The following PAX2 variants were observed in gnomAD, a reference collection of about 807,000 sequenced individuals.
PAX2 encodes paired box protein Pax-2.
In PAX2, 9 loss-of-function variants were observed where a neutral mutation model predicts 41.7. The ratio of observed to expected loss-of-function variants is 0.22; its 90% CI spans 0.13 to 0.38. PAX2 has a LOEUF of 0.38. Among genes scored for constraint, PAX2 ranks in the 10% least tolerant of loss-of-function variants. The pLI is 1.00. For synonymous variants in PAX2, 221 were observed against 212.7 expected (o/e 1.04, Z -0.34); for missense variants, 418 against 531.6 (o/e 0.79, Z 2.10).
In PAX2 at chr10:100,745,683, G is replaced by C. The variant is rs1238763118; in HGVS notation, c.-578G>C. 7.5e-6 allele frequency: 7 copies of C among 931,388 alleles called. No individual in the cohort carries two copies. The highest frequency in any genetic ancestry group is 6.6e-5 in the East Asian group (1 of 15,072). The allele number at this position is 931,388 out of a possible 1,614,324, so 57.7% of individuals were successfully genotyped here. A position where few individuals can be genotyped will look rare whatever the true frequency, so the allele number is the denominator to read the frequency against. ...CCCTCCCTCCCGGCCCTTCGGCCGC[G>C]GCGGCGTGCGCCTGCCTTTTCCGGG... is the stretch of plus-strand genomic sequence containing the variant. On this transcript the variant is annotated 5_prime_UTR_variant, in exon 1 of 10. Coordinates refer to ENST00000355243, the MANE Select transcript of PAX2 (RefSeq NM_000278.5).
intron 5 of PAX2, among the ~76,000 whole-genome samples, chr10:100,798,716 T>C (rs1847426378): frequency 6.6e-6 from 1 of 151,940 alleles, no homozygotes; most frequent in South Asian, 2.1e-4. Flanking sequence ...TTTTCTATCC[T>C]CCTCCACTCT....
intron 3 of PAX2, among the ~76,000 whole-genome samples, chr10:100,774,335 C>A (rs1846311669): frequency 6.6e-6 from 1 of 152,188 alleles, no homozygotes; most frequent in African/African-American, 2.4e-5. Flanking sequence ...ATCCTTTGCT[C>A]TGAAGTCCTG....
intron 3 of PAX2, among the ~76,000 whole-genome samples, chr10:100,777,579 G>A (rs1226090840): frequency 6.6e-6 from 1 of 151,934 alleles, no homozygotes; most frequent in African/African-American, 2.4e-5. Flanking sequence ...ACTTTTAGTA[G>A]AGTCGAGATT....
intron 5 of PAX2, among the ~76,000 whole-genome samples, chr10:100,792,244 CTCT>C (rs1847148413): frequency 6.6e-6 from 1 of 152,246 alleles, no homozygotes; most frequent in Non-Finnish European, 1.5e-5. Context: ...TTCTTCTGGA[CTCT>C]TCTTCACGTG....
chr10:100,779,486 A>G lies in PAX2; in HGVS notation c.411-12A>G, dbSNP rs1217309444. ...GCATTTGATGTGTGATGCTGTTGTG[A>G]CGCTGTTGCAGAATCATCCGGACCA... is the stretch of plus-strand genomic sequence containing the variant. On this transcript the variant is annotated splice_polypyrimidine_tract_variant and intron_variant, in intron 3 of 9. Coordinates refer to ENST00000355243, the MANE Select transcript of PAX2 (RefSeq NM_000278.5). 1.9e-6 allele frequency: 3 copies of G among 1,577,700 alleles called. No homozygotes were observed. The highest frequency in any genetic ancestry group is 2.6e-6 in the Non-Finnish European group (3 of 1,160,578).
chr10:100,755,794 A>C (rs375302302), intron 3 of PAX2, among the ~76,000 whole-genome samples: 1 of 152,178 alleles, frequency 6.6e-6, no homozygotes, highest in East Asian at 1.9e-4. Flanking sequence ...CAACAGTTCA[A>C]TAGAGGGGCC....
At position 100,758,157 on chromosome 10, in the gene PAX2, T is replaced by C. The variant is rs2133852088; in HGVS notation, c.410+7266T>C. Among the ~76,000 whole-genome samples the C allele has an allele frequency of 1.3e-5, 2 of 151,164 alleles. 1 individual carries two copies. Among genetic ancestry groups the C allele is most frequent in the South Asian group, 4.2e-4 (2 of 4,786 alleles). ...CAGGTGCCATTCTTTTTTTTTTTTT[T>C]TGAGACGGAGTCTTGCTCTGTTGCC... On this transcript the variant is annotated intron_variant, in intron 3 of 9. Transcript: ENST00000355243.
intron 5 of PAX2, among the ~76,000 whole-genome samples, chr10:100,785,380 G>T (rs537042752): frequency 6.6e-6 from 1 of 152,310 alleles, no homozygotes; most frequent in East Asian, 1.9e-4. Flanking sequence ...AGGGAGGTGT[G>T]TTGGGATCAT....
chr10:100,748,074 C>T lies in PAX2; in HGVS notation c.44-1672C>T. On this transcript the variant is annotated intron_variant, in intron 1 of 9. Transcript: ENST00000355243. The surrounding 1 kb of genome is among the most constrained non-coding windows in gnomAD (Gnocchi z 5.0). ...GCTGGCGGCCGTGGCGCATTCCAGGCCCGACTCAGCGCCGACTCGCTGCAG... is the reference window on the plus strand; with the variant it reads ...GCTGGCGGCCGTGGCGCATTCCAGGTCCGACTCAGCGCCGACTCGCTGCAG... 2.0e-6 allele frequency: 2 copies of T among 985,046 alleles called. No individual in the cohort carries two copies. The highest frequency in any genetic ancestry group is 2.4e-6 in the Non-Finnish European group (2 of 829,894). 61.0% of individuals were successfully genotyped at this position (985,046 alleles called of 1,614,324 possible). A position where few individuals can be genotyped will look rare whatever the true frequency, so the allele number is the denominator to read the frequency against.
At chr10:100,747,524 T>G (rs1845237369) in intron 1 of PAX2, 2 of 623,560 alleles carry the variant, frequency 3.2e-6, no homozygotes, top group South Asian at 1.5e-4. Flanking sequence ...AACTCCTCCC[T>G]ATCTGCAGAT....
upstream of PAX2, among the ~76,000 whole-genome samples, chr10:100,742,486 C>T (rs538162942): frequency 1.4e-4 from 22 of 152,278 alleles, no homozygotes; most frequent in South Asian, 1.5e-3. Context: ...CCTGGGCAAG[C>T]CTGGCAGGGA....
At chr10:100,798,333 C>G (rs1168161264) in intron 5 of PAX2, among the ~76,000 whole-genome samples, 2 of 151,968 alleles carry the variant, frequency 1.3e-5, no homozygotes, top group Admixed American at 6.6e-5. Context: ...CCAGGCTGGT[C>G]TTGACCTCCT....
chr10:100,779,006 T>C (rs1268312869), intron 3 of PAX2, among the ~76,000 whole-genome samples: 1 of 152,058 alleles, frequency 6.6e-6, no homozygotes, highest in Non-Finnish European at 1.5e-5. Context: ...TCTTTCAGGA[T>C]ATGGGGAAAT....
intron 5 of PAX2, among the ~76,000 whole-genome samples, chr10:100,794,308 C>T (rs1230878875): frequency 2.0e-5 from 3 of 152,252 alleles, no homozygotes; most frequent in Non-Finnish European, 2.9e-5. Flanking sequence ...TCCATCTCCA[C>T]TCCCTACTTG....
In PAX2 at chr10:100,750,950, G is replaced by C; in HGVS notation, c.410+59G>C. On this transcript the variant is annotated intron_variant, in intron 3 of 9. Coordinates refer to ENST00000355243, the MANE Select transcript of PAX2 (RefSeq NM_000278.5). This position sits in a 1 kb window ranked among gnomAD's most constrained non-coding sequence, Gnocchi z 4.1. ...TCCAGCTCCTGGCTCCTGCCTGCAG[G>C]GGTGTCCCACGCCCAGTCTCTGCTC... 3 of 1,314,574 alleles carry C rather than the reference G, an allele frequency of 2.3e-6. No homozygotes were observed. The highest frequency in any genetic ancestry group is 2.2e-6 in the Non-Finnish European group (2 of 910,568). The allele number at this position is 1,314,574 out of a possible 1,614,324, so 81.4% of individuals were successfully genotyped here. A position where few individuals can be genotyped will look rare whatever the true frequency, so the allele number is the denominator to read the frequency against.
At chr10:100,749,634 C>T in intron 1 of PAX2, 112 bp from the exon 2 acceptor site, 1 of 1,498,662 alleles carries the variant, frequency 6.7e-7, no homozygotes, top group South Asian at 1.4e-5. Flanking sequence ...AGCTCGGGAA[C>T]ATGCCCTTCC....
Position 100,764,220 on chromosome 10 carries a change from T to G in PAX2, c.410+13329T>G, listed in dbSNP as rs531832687. Among the ~76,000 whole-genome samples the G allele has an allele frequency of 2.2e-3, 320 of 146,494 alleles. 4 individuals carry two copies. Among genetic ancestry groups the G allele is most frequent in the African/African-American group, 7.7e-3 (304 of 39,462 alleles). ...GTGCAGTGGCACCATCTCGGCTCAC[T>G]GCAACCTCCGCCTCCCGGGTTCATG... On this transcript the variant is annotated intron_variant, in intron 3 of 9. Coordinates refer to ENST00000355243, the MANE Select transcript of PAX2 (RefSeq NM_000278.5).
At chr10:100,806,371 CT>C in intron 5 of PAX2, 58 bp from the exon 6 acceptor site, 1 of 1,573,612 alleles carries the variant, frequency 6.4e-7, no homozygotes, top group Non-Finnish European at 8.7e-7. Context: ...TTGCCCTGCA[CT>C]GTTCCTGTGC....
At chr10:100,803,027 CCCTCTAGG>C (rs1014254502) in intron 5 of PAX2, among the ~76,000 whole-genome samples, 48 of 152,110 alleles carry the variant, frequency 3.2e-4, no homozygotes, top group Non-Finnish European at 1.0e-4. Context: ...CCCGGGAGAA[CCCTCTAGG>C]TGGTCAGCAC....
Sources: gnomAD v4.1 joint callset for allele counts (sites outside exome capture counted in the v4.1 genomes callset) on GRCh38, gnomAD v4.1.1 for gene constraint, Gnocchi (gnomAD v3.1) non-coding constraint, MANE v1.5 for transcripts, NCBI Gene and HGNC (gene_info 2026-07-23, HGNC 2026-07-21) for gene names.